SESN3: variants seen among roughly 807,000 people sequenced by gnomAD.
SESN3 encodes the protein sestrin 3, also known as sestrin-3.
SESN3 carries 21 observed loss-of-function variants against 55.3 expected under a neutral mutation model. That is an observed-to-expected ratio of 0.38 (90% CI 0.27 to 0.55). The LOEUF is 0.55. Among genes scored for constraint, SESN3 ranks in the 20% least tolerant of loss-of-function variants. The probability of loss-of-function intolerance (pLI) is 0.76; values close to 1 mark genes in which losing one functional copy is unlikely to be tolerated. For missense variants in SESN3, 408 were observed against 604.3 expected (o/e 0.68, Z 3.41); for synonymous variants, 181 against 203.1 (o/e 0.89, Z 0.93).
At chr11:95,203,443 C>G (rs1191089259) in intron 1 of SESN3, among the ~76,000 whole-genome samples, 1 of 152,038 alleles carries the variant, frequency 6.6e-6, no homozygotes, top group Non-Finnish European at 1.5e-5. Context: ...TGTGTAAATT[C>G]AAGTATATTT....
chr11:95,191,942 G>C (rs547667158), intron 2 of SESN3, among the ~76,000 whole-genome samples: 21 of 152,210 alleles, frequency 1.4e-4, no homozygotes, highest in African/African-American at 3.6e-4. Flanking sequence ...GTGTGGTAAA[G>C]CACAGGCAGT....
chr11:95,202,127 T>G (rs933620918), intron 1 of SESN3, among the ~76,000 whole-genome samples: 3 of 152,086 alleles, frequency 2.0e-5, no homozygotes, highest in Non-Finnish European at 2.9e-5. Flanking sequence ...CTTATAGCTA[T>G]TAACATATAT....
intron 1 of SESN3, among the ~76,000 whole-genome samples, chr11:95,207,880 C>T (rs889854931): frequency 6.6e-6 from 1 of 150,494 alleles, no homozygotes; most frequent in Non-Finnish European, 1.5e-5. Flanking sequence ...CATCATGTTG[C>T]CCAGGCTGGT....
Position 95,175,351 on chromosome 11 carries a change from A to T in SESN3, c.1392+147T>A, listed in dbSNP as rs1191703927. On this transcript the variant is annotated intron_variant, in intron 9 of 9. Coordinates refer to ENST00000536441, the MANE Select transcript of SESN3 (RefSeq NM_144665.4). ...TGCATTCCAGCCTGGCAAACAAACAAGCAAAAAAACCCCAGATAGCTAGAT... is the reference window on the plus strand; with the variant it reads ...TGCATTCCAGCCTGGCAAACAAACATGCAAAAAAACCCCAGATAGCTAGAT... 1.4e-5 allele frequency: 9 copies of T among 655,232 alleles called. No individual in the cohort carries two copies. The Admixed American group carries it at 1.9e-4, about 14-fold the overall frequency. The allele number at this position is 655,232 out of a possible 1,614,324, so 40.6% of individuals were successfully genotyped here. A position where few individuals can be genotyped will look rare whatever the true frequency, so the allele number is the denominator to read the frequency against.
At chr11:95,204,629 C>T (rs1860515421) in intron 1 of SESN3, among the ~76,000 whole-genome samples, 1 of 152,088 alleles carries the variant, frequency 6.6e-6, no homozygotes, top group African/African-American at 2.4e-5. Flanking sequence ...CAAGAGCTCC[C>T]TGGCCCTCTT....
rs142383831 is a variant in SESN3 at position 95,178,814 on chromosome 11, T to C, written c.952A>G (p.Met318Val). Residue 318 changes from methionine to valine, a missense_variant, in exon 7 of 10, where the codon ATG (methionine) becomes GTG (valine). Coordinates refer to ENST00000536441, the MANE Select transcript of SESN3 (RefSeq NM_144665.4). Reference protein sequence around the residue: ...SFPHSDFEDDMIITSDVSRYI... With the variant: ...SFPHSDFEDDVIITSDVSRYI... ...CGAGAGACATCAGATGTTATAATCA[T>C]GTCATCCTCAAAATCTAAGGACAAT... is the stretch of plus-strand genomic sequence containing the variant. 2.2e-5 allele frequency: 35 copies of C among 1,595,236 alleles called. No individual in the cohort carries two copies. In the African/African-American group the frequency reaches 4.4e-4, roughly 20 times the overall value.
Position 95,191,467 on chromosome 11 carries a change from C to T in SESN3, c.279G>A (p.Gln93=), listed in dbSNP as rs2134235149. The T allele has an allele frequency of 1.2e-6, 2 of 1,613,096 alleles. No homozygotes were observed. ...GACCATCCATGCGCAACATGTAAAA[C>T]TGGCTCCGCAAGAAAGACTCCAGGT... ...TQYLESFLRS[Q]FYMLRMDGPL... is the part of the protein sequence containing the mutation. Residue 93 remains glutamine (Q), a synonymous_variant, in exon 3 of 10, where the codon CAG becomes CAA. Coordinates refer to ENST00000536441, the MANE Select transcript of SESN3 (RefSeq NM_144665.4).
intron 1 of SESN3, among the ~76,000 whole-genome samples, chr11:95,217,724 T>G (rs1443964670): frequency 6.6e-6 from 1 of 151,804 alleles, no homozygotes; most frequent in Non-Finnish European, 1.5e-5. Context: ...AGGGCTTGAA[T>G]CTTGCACACT....
In SESN3 at chr11:95,185,416, T is replaced by C; in HGVS notation, c.602A>G (p.His201Arg). ...VHAVVLLAHY[H>R]ALASFVFGSG... Reference sequence around the variant, plus strand: ...ACCAAAAACAAAGCTTGCCAAAGCATGATAATGTGCCAGGAGGACCACAGC... The same window carrying C: ...ACCAAAAACAAAGCTTGCCAAAGCACGATAATGTGCCAGGAGGACCACAGC... The change falls in exon 5 of 10, where the codon CAT (histidine) becomes CGT (arginine). Residue 201 changes from histidine to arginine, a missense_variant. His to Arg is a conservative substitution (Grantham distance 29). Coordinates refer to ENST00000536441, the MANE Select transcript of SESN3 (RefSeq NM_144665.4). 1.2e-6 allele frequency: 2 copies of C among 1,613,338 alleles called. No homozygotes were observed. The highest frequency in any genetic ancestry group is 1.7e-6 in the Non-Finnish European group (2 of 1,179,478).
At chr11:95,229,362 T>C (rs895971925) in intron 1 of SESN3, among the ~76,000 whole-genome samples, 2 of 152,128 alleles carry the variant, frequency 1.3e-5, no homozygotes, top group African/African-American at 4.8e-5. Flanking sequence ...CTAGAGTTTA[T>C]GGAAAAAAAT....
At chr11:95,181,606 G>A (rs886084289) in intron 6 of SESN3, among the ~76,000 whole-genome samples, 1 of 152,026 alleles carries the variant, frequency 6.6e-6, no homozygotes, top group Non-Finnish European at 1.5e-5. Context: ...TGCAGTAATG[G>A]AATGCGTAAC....
intron 1 of SESN3, among the ~76,000 whole-genome samples, chr11:95,201,920 T>C (rs1249819847): frequency 2.0e-5 from 3 of 152,006 alleles, no homozygotes; most frequent in Non-Finnish European, 4.4e-5. Context: ...CTGTGGAAAT[T>C]AGATATATTT....
intron 9 of SESN3, 45 bp downstream of exon 9, chr11:95,175,453 C>T (rs1859938062): frequency 2.0e-6 from 3 of 1,502,602 alleles, no homozygotes; most frequent in Admixed American, 1.8e-5. Context: ...ACTTCTTGTA[C>T]TGAAGAACTG....
chr11:95,182,705 A>G (rs1338136514), intron 6 of SESN3, among the ~76,000 whole-genome samples: 1 of 152,208 alleles, frequency 6.6e-6, no homozygotes, highest in Admixed American at 6.5e-5. Context: ...GGTAGGTTAC[A>G]TATTTCTTAA....
chr11:95,186,320 TAAAAC>T (rs1000118201), intron 4 of SESN3, among the ~76,000 whole-genome samples: 14 of 151,258 alleles, frequency 9.3e-5, no homozygotes, highest in African/African-American at 2.7e-4. Flanking sequence ...ACTTAATGGC[TAAAAC>T]AAAACAAAAC....
chr11:95,203,310 C>A (rs1186706939), intron 1 of SESN3, among the ~76,000 whole-genome samples: 1 of 152,050 alleles, frequency 6.6e-6, no homozygotes, highest in African/African-American at 2.4e-5. Context: ...ATTTACAAAA[C>A]AAATTATAAG....
chr11:95,175,288 C>T (rs1357361235), intron 9 of SESN3, among the ~76,000 whole-genome samples: 2 of 152,186 alleles, frequency 1.3e-5, no homozygotes, highest in East Asian at 1.9e-4. Context: ...CACTTGAACC[C>T]GGGAAGTGGA....
intron 8 of SESN3, 144 bp downstream of exon 8, chr11:95,177,575 T>C (rs1203808956): frequency 1.6e-5 from 9 of 570,986 alleles, no homozygotes; most frequent in Middle Eastern, 4.4e-4. Context: ...TGCTTCTCCA[T>C]AAAATGAAAT....
At chr11:95,228,304 T>C (rs372743377) in intron 1 of SESN3, among the ~76,000 whole-genome samples, 1 of 152,192 alleles carries the variant, frequency 6.6e-6, no homozygotes, top group African/African-American at 2.4e-5. Context: ...CTGTCCCATA[T>C]AAAGGTGACC....
Sources: gnomAD v4.1 joint callset for allele counts (sites outside exome capture counted in the v4.1 genomes callset) on GRCh38, gnomAD v4.1.1 for gene constraint, MANE v1.5 for transcripts, NCBI Gene and HGNC (gene_info 2026-07-23, HGNC 2026-07-21) for gene names.